Variants in KIAA1549L observed in about 807,000 individuals in gnomAD.
The protein encoded by KIAA1549L is KIAA1549 like, also known as UPF0606 protein KIAA1549L.
A neutral mutation model predicts 160.7 loss-of-function variants in KIAA1549L; 88 were observed. The observed-to-expected ratio is 0.55, with a 90% CI of 0.46 to 0.65. KIAA1549L has a LOEUF of 0.65. Ranked by LOEUF, KIAA1549L falls within the 30% of genes least tolerant of loss-of-function variation. KIAA1549L has a pLI of 0.00. For synonymous variants in KIAA1549L, 950 were observed against 976.7 expected (o/e 0.97, Z 0.51); for missense variants, 2,258 against 2,437.5 (o/e 0.93, Z 1.55).
chr11:33,655,823 C>T (rs140420497), intron 17 of KIAA1549L, among the ~76,000 whole-genome samples, 189 bp from the exon 18 acceptor site: 28 of 152,150 alleles, frequency 1.8e-4, no homozygotes, highest in Admixed American at 4.6e-4. Flanking sequence ...GTGGCCCCAG[C>T]GAGAGTGGTG....
chr11:33,580,824 T>G (rs1159999737), intron 10 of KIAA1549L, among the ~76,000 whole-genome samples: 1 of 152,138 alleles, frequency 6.6e-6, no homozygotes, highest in Non-Finnish European at 1.5e-5. Context: ...AGTAACATGT[T>G]TGACGCTAAT....
At chr11:33,477,507 G>GCATGCGCACACA (rs1852313485) in intron 1 of KIAA1549L, among the ~76,000 whole-genome samples, 1 of 131,740 alleles carries the variant, frequency 7.6e-6, no homozygotes, top group Non-Finnish European at 1.5e-5. Flanking sequence ...GCAGGTGCAC[G>GCATGCGCACACA]CACACACACA....
At chr11:33,624,741 T>C (rs1271955176) in intron 16 of KIAA1549L, among the ~76,000 whole-genome samples, 2 of 151,026 alleles carry the variant, frequency 1.3e-5, no homozygotes, top group Non-Finnish European at 2.9e-5. Context: ...TCTTTTTTTT[T>C]TTTTTAATTT....
intron 1 of KIAA1549L, among the ~76,000 whole-genome samples, chr11:33,447,171 C>T (rs936343756): frequency 4.6e-5 from 7 of 152,070 alleles, no homozygotes; most frequent in African/African-American, 7.2e-5. Context: ...GTGTTCAGGG[C>T]AGAAGGAACT....
In KIAA1549L at chr11:33,544,961, G is replaced by A. The variant is rs117590358; in HGVS notation, c.2968G>A (p.Ala990Thr). 0.016 allele frequency: 25,257 copies of A among 1,613,800 alleles called. 241 individuals carry two copies. The highest frequency in any genetic ancestry group is 0.031 in the Middle Eastern group (188 of 6,062). ...TGCTAAAAATGTCACAAACAAGGCC[G>A]CATCTGGCCCAAAGAGGACACCAGG... ...TLAKNVTNKA[A>T]SGPKRTPGAV... Residue 990 changes from alanine (A) to threonine (T), a missense_variant, in exon 3 of 21, where the codon GCA becomes ACA. Ala to Thr is a moderately conservative substitution (Grantham distance 58). Transcript: ENST00000658780.
In KIAA1549L at chr11:33,542,382, T is replaced by TC. The variant is rs1222357124; in HGVS notation, c.823dup (p.Gln275ProfsTer15). 8 of 1,220,480 alleles carry TC rather than the reference T, an allele frequency of 6.6e-6. No individual in the cohort carries two copies. Among genetic ancestry groups the TC allele is most frequent in the Non-Finnish European group, 9.2e-6 (8 of 870,542 alleles). 75.6% of individuals were successfully genotyped at this position (1,220,480 alleles called of 1,614,324 possible). On this transcript the variant is annotated frameshift_variant, in exon 2 of 21. Coordinates refer to ENST00000658780, the MANE Select transcript of KIAA1549L (RefSeq NM_012194.3). LOFTEE classifies it high-confidence loss of function. ...AGCAATCCCCCAAAGTGCTGTTAGT[T>TC]CCCCAAACAGCTCCAGCCGACCCCT...
intron 12 of KIAA1549L, among the ~76,000 whole-genome samples, chr11:33,592,326 A>C (rs1372330891): frequency 6.6e-6 from 1 of 152,176 alleles, no homozygotes; most frequent in African/African-American, 2.4e-5. Flanking sequence ...TGTTAGAAGG[A>C]TACTTTGATG....
intron 20 of KIAA1549L, among the ~76,000 whole-genome samples, chr11:33,664,574 G>A (rs7930296): frequency 6.6e-6 from 1 of 152,176 alleles, no homozygotes; most frequent in Admixed American, 6.5e-5. Context: ...GAGGTGATTA[G>A]GTCATGAGGG....
At position 33,510,107 on chromosome 11, in the gene KIAA1549L, G is replaced by T. The variant is rs201163052; in HGVS notation, c.239-31695G>T. On this transcript the variant is annotated intron_variant, in intron 1 of 20. Coordinates refer to ENST00000658780, the MANE Select transcript of KIAA1549L (RefSeq NM_012194.3). ...TTAGTGTGTGGCATGGGACTGGCTT[G>T]GAGAGTTTAGAGCAGGGCAGGATCT... 4.4e-3 allele frequency among the ~76,000 whole-genome samples: 669 copies of T among 152,166 alleles called. 9 individuals are homozygous for T. The highest frequency in any genetic ancestry group is 0.015 in the African/African-American group (636 of 41,540).
intron 1 of KIAA1549L, chr11:33,403,211 CCA>C (rs1565121625): frequency 1.8e-4 from 5 of 27,736 alleles, no homozygotes; most frequent in Middle Eastern, 0.026. Flanking sequence ...ACACACGCAC[CCA>C]CACATGCAGA....
chr11:33,426,783 G>A (rs1418902013), intron 1 of KIAA1549L, among the ~76,000 whole-genome samples: 4 of 152,162 alleles, frequency 2.6e-5, no homozygotes, highest in Non-Finnish European at 5.9e-5. Flanking sequence ...GCAAGCTCAG[G>A]TTCTGACAGC....
intron 1 of KIAA1549L, among the ~76,000 whole-genome samples, chr11:33,521,722 G>C (rs567182651): frequency 2.3e-4 from 35 of 152,262 alleles, no homozygotes; most frequent in African/African-American, 7.0e-4. Context: ...AAGTTCTCTG[G>C]ACTGGCTAAG....
At chr11:33,618,181 G>A (rs1464304206) in intron 15 of KIAA1549L, among the ~76,000 whole-genome samples, 1 of 152,212 alleles carries the variant, frequency 6.6e-6, no homozygotes, top group Non-Finnish European at 1.5e-5. Context: ...GTCAACAAAG[G>A]CAAGTTTGTT....
chr11:33,409,017 G>C (rs939978497), intron 1 of KIAA1549L, among the ~76,000 whole-genome samples: 1 of 149,962 alleles, frequency 6.7e-6, no homozygotes, highest in African/African-American at 2.4e-5. Flanking sequence ...GCAACTGCTT[G>C]TGTGGGGAAA....
chr11:33,546,523 C>T (rs746281725), intron 3 of KIAA1549L, among the ~76,000 whole-genome samples: 1 of 152,210 alleles, frequency 6.6e-6, no homozygotes, highest in Non-Finnish European at 1.5e-5. Flanking sequence ...CACACTGCCA[C>T]TTCCCTAGTT....
In KIAA1549L at chr11:33,591,337, C is replaced by A. The variant is rs930724976; in HGVS notation, c.4667C>A (p.Pro1556His). ...CAGGAGACAGTGGTTCTCCCACTGCCCATTAGAGATGCTCCTCAGGAAAGA... is the reference window on the plus strand; with the variant it reads ...CAGGAGACAGTGGTTCTCCCACTGCACATTAGAGATGCTCCTCAGGAAAGA... ...VTQETVVLPL[P>H]IRDAPQERDV... is the part of the protein sequence containing the mutation. Residue 1556 changes from proline (P) to histidine (H), a missense_variant, in exon 12 of 21, where the codon CCC (proline) becomes CAC (histidine). Around this residue, in one of 6 missense-constraint regions of KIAA1549L, gnomAD observed 1,359 missense variants for 1,546.6 expected, o/e 0.88. Transcript: ENST00000658780. 1.2e-6 allele frequency: 2 copies of A among 1,613,506 alleles called. No homozygotes were observed. Among genetic ancestry groups the A allele is most frequent in the Admixed American group, 3.3e-5 (2 of 59,992 alleles).
chr11:33,606,429 T>C lies in KIAA1549L; in HGVS notation c.4880-212T>C, dbSNP rs978935034. Among the ~76,000 whole-genome samples, 7 of 152,220 alleles carry C rather than the reference T, an allele frequency of 4.6e-5. No individual in the cohort carries two copies. The East Asian group carries it at 1.3e-3, about 29-fold the overall frequency. On this transcript the variant is annotated intron_variant, in intron 13 of 20. Coordinates refer to ENST00000658780, the MANE Select transcript of KIAA1549L (RefSeq NM_012194.3). ...AACCTCTACAGTTCTTTCCCACCCA[T>C]GATAAGGCAATGGAGGGATAAATCA... is the stretch of plus-strand genomic sequence containing the variant.
At chr11:33,481,819 A>G (rs182211374) in intron 1 of KIAA1549L, among the ~76,000 whole-genome samples, 85 of 152,364 alleles carry the variant, frequency 5.6e-4, no homozygotes, top group African/African-American at 2.0e-3. Context: ...GGATTAATTT[A>G]TAAGTCTACA....
At chr11:33,510,365 G>A (rs1364028114) in intron 1 of KIAA1549L, among the ~76,000 whole-genome samples, 1 of 152,016 alleles carries the variant, frequency 6.6e-6, no homozygotes. Context: ...TTTCGTACTT[G>A]TAGTAGAGAT....
Sources: gnomAD v4.1 joint callset for allele counts (sites outside exome capture counted in the v4.1 genomes callset) on GRCh38, gnomAD v4.1.1 for gene constraint, gnomAD v4.1.1 regional missense constraint, MANE v1.5 for transcripts, NCBI Gene and HGNC (gene_info 2026-07-23, HGNC 2026-07-21) for gene names.